CELF2: variants seen among roughly 807,000 people sequenced by gnomAD.
CELF2 encodes the protein CUG triplet repeat RNA-binding protein 2.
In CELF2, 8 loss-of-function variants were observed where a neutral mutation model predicts 62.6. The ratio of observed to expected loss-of-function variants is 0.13; its 90% CI spans 0.07 to 0.23. The LOEUF (loss-of-function observed/expected upper bound fraction) is 0.23. Among genes scored for constraint, CELF2 ranks in the 10% least tolerant of loss-of-function variants. The pLI is 1.00. For synonymous variants in CELF2, 258 were observed against 250.0 expected, an observed-to-expected ratio of 1.03 and a Z score of -0.30; for missense variants, 333 against 671.0, an observed-to-expected ratio of 0.50 and a Z score of 5.56.
intron 1 of CELF2, among the ~76,000 whole-genome samples, chr10:11,035,459 A>G (rs922460050): frequency 1.3e-5 from 2 of 152,186 alleles, no homozygotes; most frequent in Non-Finnish European, 2.9e-5. Flanking sequence ...TAGGCAGCTC[A>G]GATGCTTCAG....
intron 1 of CELF2, among the ~76,000 whole-genome samples, chr10:10,820,490 G>A (rs1381527367): frequency 6.6e-6 from 1 of 152,124 alleles, no homozygotes; most frequent in Non-Finnish European, 1.5e-5. Flanking sequence ...TGTGCCAGGA[G>A]GAGAATTCAT....
At chr10:10,697,233 T>A in the CELF2 span, among the ~76,000 whole-genome samples, 100,487 of 151,986 alleles carry the variant, frequency 0.66, 34,202 homozygotes, top group South Asian at 0.82. Flanking sequence ...GACATTAACA[T>A]GGGTGGGAAT....
chr10:10,628,453 G>A, the CELF2 span, among the ~76,000 whole-genome samples: 5 of 152,018 alleles, frequency 3.3e-5, no homozygotes, highest in Non-Finnish European at 5.9e-5. Context: ...CCCCCAAAAT[G>A]TATGAAGTGG....
intron 7 of CELF2, among the ~76,000 whole-genome samples, chr10:11,271,991 C>T (rs368793345): frequency 6.6e-6 from 1 of 152,168 alleles, no homozygotes; most frequent in East Asian, 1.9e-4. Context: ...CTGCGTGTCC[C>T]GCCGGCTGGC....
At chr10:10,805,136 T>G (rs1473347301) in intron 1 of CELF2, among the ~76,000 whole-genome samples, 1 of 152,252 alleles carries the variant, frequency 6.6e-6, no homozygotes, top group Non-Finnish European at 1.5e-5. Flanking sequence ...AATAGCCCTG[T>G]GAAGTAGGTA....
chr10:11,017,962 C>G lies in CELF2; in HGVS notation c.-128C>G, dbSNP rs1437653139. 1.0e-6 allele frequency: 1 copy of G among 987,618 alleles called. No individual in the cohort carries two copies. The highest frequency in any genetic ancestry group is 1.1e-4 in the East Asian group (1 of 8,938). The allele number at this position is 987,618 out of a possible 1,614,324, so 61.2% of individuals were successfully genotyped here. ...GGCGGAGCGCGAGGAGAGAATGTGA[C>G]AAGTGCCGGCTCGGCGGCCGCCGGG... is the stretch of plus-strand genomic sequence containing the variant. On this transcript the variant is annotated 5_prime_UTR_variant, in exon 1 of 13. Coordinates refer to ENST00000633077, the MANE Select transcript of CELF2 (RefSeq NM_001326342.2). This position sits in a 1 kb window ranked among gnomAD's most constrained non-coding sequence, Gnocchi z 5.5.
At chr10:10,963,783 G>A (rs2049817454) in intron 2 of CELF2, among the ~76,000 whole-genome samples, 1 of 152,176 alleles carries the variant, frequency 6.6e-6, no homozygotes, top group Non-Finnish European at 1.5e-5. Flanking sequence ...GTGAAGAGAG[G>A]GGTTTATCCT....
At chr10:10,475,248 A>T in the CELF2 span, among the ~76,000 whole-genome samples, 2 of 152,040 alleles carry the variant, frequency 1.3e-5, no homozygotes, top group East Asian at 3.9e-4. Context: ...AATGAAGCAG[A>T]TAGATGGAAA....
Position 11,178,014 on chromosome 10 carries a change from G to A in CELF2, c.271+12332G>A, listed in dbSNP as rs947506161. On this transcript the variant is annotated intron_variant, in intron 2 of 12. Transcript: ENST00000633077. The surrounding 1 kb of genome is among the most constrained non-coding windows in gnomAD (Gnocchi z 4.3). ...GACTGCCTGGTAGGATAAAGGAGAC[G>A]ACATCTGAAAAGAGGGTTTCAGGTG... 5.9e-5 allele frequency among the ~76,000 whole-genome samples: 9 copies of A among 152,128 alleles called. No individual in the cohort carries two copies. The highest frequency in any genetic ancestry group is 9.7e-5 in the African/African-American group (4 of 41,426).
At chr10:11,028,054 A>G (rs1385343083) in intron 1 of CELF2, among the ~76,000 whole-genome samples, 1 of 152,222 alleles carries the variant, frequency 6.6e-6, no homozygotes, top group African/African-American at 2.4e-5. Context: ...AGTCTCAGGC[A>G]AAGACCCATA....
chr10:11,243,225 G>A lies in CELF2; in HGVS notation c.355-5928G>A, dbSNP rs2074536930. Among the ~76,000 whole-genome samples, 2 of 152,048 alleles carry A rather than the reference G, an allele frequency of 1.3e-5. No homozygotes were observed. The highest frequency in any genetic ancestry group is 2.4e-5 in the African/African-American group (1 of 41,388). Reference sequence around the variant, plus strand: ...GCTTGACTCTAGTTCCTTCTCCCCGGGAGGGAGAAAGGGAAGGAGCCTTTG... The same window carrying A: ...GCTTGACTCTAGTTCCTTCTCCCCGAGAGGGAGAAAGGGAAGGAGCCTTTG... On this transcript the variant is annotated intron_variant, in intron 3 of 12. Coordinates refer to ENST00000633077, the MANE Select transcript of CELF2 (RefSeq NM_001326342.2). This position sits in a 1 kb window ranked among gnomAD's most constrained non-coding sequence, Gnocchi z 4.1.
the CELF2 span, among the ~76,000 whole-genome samples, chr10:10,693,754 C>T: frequency 4.1e-3 from 614 of 151,328 alleles, 3 homozygotes; most frequent in African/African-American, 0.014. Flanking sequence ...GTGTATGTGT[C>T]GAGGAATTTA....
intron 1 of CELF2, among the ~76,000 whole-genome samples, chr10:11,161,450 G>A (rs1246042145): frequency 3.3e-5 from 5 of 152,220 alleles, no homozygotes; most frequent in Non-Finnish European, 5.9e-5. Flanking sequence ...CTCATGGAAC[G>A]TGAAGCAGAG....
intron 1 of CELF2, among the ~76,000 whole-genome samples, chr10:10,828,977 G>C (rs995007532): frequency 1.1e-4 from 16 of 152,152 alleles, no homozygotes; most frequent in African/African-American, 3.9e-4. Flanking sequence ...AACACAAAAT[G>C]AAAAACAGCA....
intron 2 of CELF2, among the ~76,000 whole-genome samples, chr10:10,973,118 C>T (rs947434343): frequency 2.9e-5 from 4 of 137,780 alleles, no homozygotes; most frequent in Non-Finnish European, 4.5e-5. Context: ...GTCAAAACCT[C>T]GTCTCTACTA....
At chr10:10,490,863 G>A in the CELF2 span, among the ~76,000 whole-genome samples, 22 of 152,092 alleles carry the variant, frequency 1.4e-4, no homozygotes, top group Non-Finnish European at 2.9e-4. Flanking sequence ...TTAAAGACAA[G>A]CTTCTATACA....
chr10:10,745,883 G>A, the CELF2 span, among the ~76,000 whole-genome samples: 1 of 152,150 alleles, frequency 6.6e-6, no homozygotes, highest in Non-Finnish European at 1.5e-5. Flanking sequence ...TGCAATGTGC[G>A]GGCAAAACAC....
chr10:11,016,218 T>TG (rs2057233858), upstream of CELF2, among the ~76,000 whole-genome samples: 2 of 152,198 alleles, frequency 1.3e-5, no homozygotes, highest in Non-Finnish European at 1.5e-5. The surrounding 1 kb of genome is among the most constrained non-coding windows in gnomAD (Gnocchi z 5.2). Context: ...GAAGAGTAGC[T>TG]GGGGAATAAA....
chr10:10,650,380 T>A, the CELF2 span, among the ~76,000 whole-genome samples: 1 of 152,212 alleles, frequency 6.6e-6, no homozygotes, highest in Non-Finnish European at 1.5e-5. Context: ...ATCTTCCCAT[T>A]TGACTTAAAA....
Sources: allele counts gnomAD v4.1 joint callset (sites outside exome capture counted in the v4.1 genomes callset), GRCh38; gene constraint gnomAD v4.1.1; non-coding constraint Gnocchi (gnomAD v3.1); transcripts MANE v1.5; gene names NCBI Gene and HGNC (gene_info 2026-07-23, HGNC 2026-07-21).